Variants in TNR observed in about 807,000 individuals in gnomAD.
TNR encodes the protein tenascin-R.
Under a neutral mutation model 150.4 loss-of-function variants are expected in TNR, and 45 were observed. The ratio of observed to expected loss-of-function variants is 0.30; its 90% CI spans 0.24 to 0.38. The LOEUF (loss-of-function observed/expected upper bound fraction) is 0.38, where lower values mean the gene tolerates loss of function less well. TNR is among the 10% of genes least tolerant of loss of function. TNR has a pLI of 1.00. For missense variants in TNR, 1,544 were observed against 1,759.1 expected (o/e 0.88, Z 2.19); for synonymous variants, 687 against 678.4 (o/e 1.01, Z -0.20).
intron 2 of TNR, among the ~76,000 whole-genome samples, chr1:175,494,702 C>G (rs966238972): frequency 3.3e-5 from 5 of 152,206 alleles, no homozygotes; most frequent in African/African-American, 1.2e-4. Flanking sequence ...CACTGGTGAT[C>G]TATTTGCTCT....
chr1:175,561,372 A>G (rs1407316570), intron 1 of TNR, among the ~76,000 whole-genome samples: 2 of 152,216 alleles, frequency 1.3e-5, no homozygotes, highest in East Asian at 3.9e-4. Flanking sequence ...ACAATCGGAA[A>G]GCAGCATAAT....
intron 1 of TNR, among the ~76,000 whole-genome samples, chr1:175,702,231 T>C (rs1428002191): frequency 6.6e-6 from 1 of 152,124 alleles, no homozygotes; most frequent in Non-Finnish European, 1.5e-5. Context: ...CTGCACTTGG[T>C]GAGGAGCAGC....
At chr1:175,533,052 G>T (rs1290138961) in intron 1 of TNR, among the ~76,000 whole-genome samples, 1 of 152,172 alleles carries the variant, frequency 6.6e-6, no homozygotes, top group African/African-American at 2.4e-5. Context: ...AAGGCTAGTT[G>T]CCACAAATGC....
At chr1:175,571,955 G>A (rs936876790) in intron 1 of TNR, among the ~76,000 whole-genome samples, 1 of 152,140 alleles carries the variant, frequency 6.6e-6, no homozygotes, top group Non-Finnish European at 1.5e-5. Context: ...TGCCCTCAAG[G>A]AAGTAGCCAC....
rs538429463 is a variant in TNR, at chr1:175,472,545, T to C, written c.-64+55724A>G. Among the ~76,000 whole-genome samples the C allele has an allele frequency of 4.7e-4, 71 of 152,334 alleles. No individual in the cohort carries two copies. The South Asian group carries it at 0.013, about 28-fold the overall frequency. The stretch of plus-strand genomic sequence containing the variant: ...AGCATCACTACAAACACGTGAGTAA[T>C]GCATTGGGCTACAACATCATGACAG... On this transcript the variant is annotated intron_variant, in intron 2 of 22. Coordinates refer to ENST00000367674, the MANE Select transcript of TNR (RefSeq NM_003285.3).
At chr1:175,614,777 C>T (rs888630257) in intron 1 of TNR, among the ~76,000 whole-genome samples, 1 of 152,132 alleles carries the variant, frequency 6.6e-6, no homozygotes, top group African/African-American at 2.4e-5. Context: ...ACCAGGGGCT[C>T]CTTGGGGTAA....
intron 1 of TNR, among the ~76,000 whole-genome samples, chr1:175,699,296 G>A (rs915986653): frequency 4.6e-5 from 7 of 152,140 alleles, no homozygotes; most frequent in South Asian, 4.1e-4. Flanking sequence ...GTGAGAAATC[G>A]TATGTAGGAG....
At chr1:175,535,645 T>G (rs1280448187) in intron 1 of TNR, among the ~76,000 whole-genome samples, 1 of 150,766 alleles carries the variant, frequency 6.6e-6, no homozygotes, top group African/African-American at 2.5e-5. Flanking sequence ...TTTTTTTTGG[T>G]ATTTTTAGTA....
At chr1:175,549,158 C>T (rs1261407979) in intron 1 of TNR, among the ~76,000 whole-genome samples, 1 of 152,216 alleles carries the variant, frequency 6.6e-6, no homozygotes, top group Non-Finnish European at 1.5e-5. Flanking sequence ...ACAGGGGAGC[C>T]CACTGAGGGT....
chr1:175,578,784 G>A (rs1475364767), intron 1 of TNR, among the ~76,000 whole-genome samples: 1 of 152,222 alleles, frequency 6.6e-6, no homozygotes, highest in African/African-American at 2.4e-5. Flanking sequence ...ATGAGAGCCA[G>A]CCTGGCAATT....
At chr1:175,692,084 A>G (rs1242820741) in intron 1 of TNR, among the ~76,000 whole-genome samples, 2 of 152,242 alleles carry the variant, frequency 1.3e-5, no homozygotes, top group Non-Finnish European at 2.9e-5. Context: ...TCAAAATGCT[A>G]TTACCAGAGG....
chr1:175,548,832 G>C (rs1057499937), intron 1 of TNR, among the ~76,000 whole-genome samples: 8 of 152,178 alleles, frequency 5.3e-5, no homozygotes, highest in African/African-American at 1.9e-4. Context: ...CCATTTATCT[G>C]CTGGAATGCT....
chr1:175,695,811 G>T (rs1048022361), intron 1 of TNR, among the ~76,000 whole-genome samples: 1 of 152,120 alleles, frequency 6.6e-6, no homozygotes, highest in South Asian at 2.1e-4. Flanking sequence ...GTTCATTAGG[G>T]TGATTATTGG....
chr1:175,610,899 G>T (rs755196301), intron 1 of TNR, among the ~76,000 whole-genome samples: 1 of 152,132 alleles, frequency 6.6e-6, no homozygotes, highest in Non-Finnish European at 1.5e-5. Context: ...ATTCTGTAGG[G>T]CCTACTATGC....
At chr1:175,452,974 C>T (rs1421710769) in intron 2 of TNR, among the ~76,000 whole-genome samples, 1 of 151,764 alleles carries the variant, frequency 6.6e-6, no homozygotes, top group Non-Finnish European at 1.5e-5. Flanking sequence ...GCGGGAGTTA[C>T]CGTGTAATGG....
intron 2 of TNR, among the ~76,000 whole-genome samples, chr1:175,499,853 A>T (rs370083670): frequency 6.6e-5 from 10 of 152,272 alleles, no homozygotes; most frequent in African/African-American, 2.2e-4. Flanking sequence ...CTCTCCTCCC[A>T]GTCAATCTAC....
chr1:175,606,175 C>T (rs1270902842), intron 1 of TNR, among the ~76,000 whole-genome samples: 2 of 152,128 alleles, frequency 1.3e-5, no homozygotes, highest in African/African-American at 4.8e-5. Context: ...TTCTGCGTGC[C>T]TTCTTCAGGC....
chr1:175,592,852 C>T (rs978851509), intron 1 of TNR, among the ~76,000 whole-genome samples: 1 of 152,170 alleles, frequency 6.6e-6, no homozygotes, highest in African/African-American at 2.4e-5. Context: ...TTAAAAGCCT[C>T]ATCTTCTCCT....
intron 1 of TNR, among the ~76,000 whole-genome samples, chr1:175,593,243 G>A (rs937765777): frequency 1.3e-5 from 2 of 152,108 alleles, no homozygotes; most frequent in African/African-American, 4.8e-5. Context: ...ATGGTTGTAT[G>A]GAGAGCACTG....
Sources: gnomAD v4.1 joint callset for allele counts (sites outside exome capture counted in the v4.1 genomes callset) on GRCh38, gnomAD v4.1.1 for gene constraint, MANE v1.5 for transcripts, NCBI Gene and HGNC (gene_info 2026-07-23, HGNC 2026-07-21) for gene names.